PPP1R9A: variants seen among roughly 807,000 people sequenced by gnomAD.
PPP1R9A encodes neurabin-1.
In PPP1R9A, 59 loss-of-function variants were observed where a neutral mutation model predicts 141.9. The ratio of observed to expected loss-of-function variants is 0.42; its 90% CI spans 0.34 to 0.52. PPP1R9A has a LOEUF of 0.52. PPP1R9A is among the 20% of genes least tolerant of loss of function. The pLI is 0.10. For synonymous variants in PPP1R9A, 500 were observed against 569.7 expected (o/e 0.88, Z 1.74); for missense variants, 1,444 against 1,611.9 (o/e 0.90, Z 1.78).
chr7:95,223,233 G>A (rs1360231919), intron 7 of PPP1R9A, among the ~76,000 whole-genome samples: 1 of 151,920 alleles, frequency 6.6e-6, no homozygotes, highest in African/African-American at 2.4e-5. Flanking sequence ...TTGGGTATTG[G>A]GAAGGAGAGG....
intron 2 of PPP1R9A, among the ~76,000 whole-genome samples, chr7:95,002,617 G>A (rs982890595): frequency 6.6e-6 from 1 of 152,096 alleles, no homozygotes; most frequent in Non-Finnish European, 1.5e-5. Context: ...ATATTACCTG[G>A]CCTAAAATTG....
chr7:94,954,137 T>G (rs1446799458), intron 2 of PPP1R9A, among the ~76,000 whole-genome samples: 1 of 152,030 alleles, frequency 6.6e-6, no homozygotes, highest in East Asian at 1.9e-4. Flanking sequence ...TTTCTTATTT[T>G]GATGCTTAGC....
rs1210914230 is a variant in PPP1R9A at position 95,207,753 on chromosome 7, AAAT to A, written c.1956+4028_1956+4030del. Among the ~76,000 whole-genome samples, 6 of 152,322 alleles carry A rather than the reference AAAT, an allele frequency of 3.9e-5. No individual in the cohort carries two copies. The East Asian group carries it at 1.2e-3, about 29-fold the overall frequency. On this transcript the variant is annotated intron_variant, in intron 7 of 19. Coordinates refer to ENST00000433360, the MANE Select transcript of PPP1R9A (RefSeq NM_001166160.2). ...AAAGTACCTATAGATAAGTTATTAG[AAAT>A]AATATAAAGTTATAGCAACTTTGCT... is the stretch of plus-strand genomic sequence containing the variant.
chr7:95,274,939 G>A (rs940630364), intron 16 of PPP1R9A, among the ~76,000 whole-genome samples: 2 of 152,310 alleles, frequency 1.3e-5, no homozygotes, highest in East Asian at 1.9e-4. Flanking sequence ...CATAAGGTCA[G>A]TGTAAGGATT....
intron 2 of PPP1R9A, among the ~76,000 whole-genome samples, chr7:95,041,937 C>A (rs1373299900): frequency 6.6e-6 from 1 of 152,076 alleles, no homozygotes; most frequent in Non-Finnish European, 1.5e-5. Flanking sequence ...CTTTACATGG[C>A]ACCTTTATTT....
intron 2 of PPP1R9A, among the ~76,000 whole-genome samples, chr7:94,999,249 G>T (rs1292057703): frequency 6.6e-6 from 1 of 152,264 alleles, no homozygotes; most frequent in East Asian, 1.9e-4. Context: ...GTGTTACTTG[G>T]CAGAAATCTT....
In PPP1R9A at chr7:95,198,569, A is replaced by G. The variant is rs558869645; in HGVS notation, c.1890+85A>G. 1.2e-4 allele frequency: 162 copies of G among 1,398,014 alleles called. No homozygotes were observed. In the South Asian group the frequency reaches 2.9e-3, roughly 25 times the overall value. The allele number at this position is 1,398,014 out of a possible 1,614,324, so 86.6% of individuals were successfully genotyped here. A position where few individuals can be genotyped will look rare whatever the true frequency, so the allele number is the denominator to read the frequency against. ...ACTGTATAACAGTATGACAGGTTTT[A>G]TGCAGTTTCTTGAGGAAGGTGTGTC... is the stretch of plus-strand genomic sequence containing the variant. On this transcript the variant is annotated intron_variant, in intron 6 of 19. Coordinates refer to ENST00000433360, the MANE Select transcript of PPP1R9A (RefSeq NM_001166160.2).
intron 6 of PPP1R9A, 87 bp downstream of exon 6, chr7:95,198,571 G>A (rs897365441): frequency 4.3e-6 from 6 of 1,389,866 alleles, no homozygotes; most frequent in Middle Eastern, 1.9e-4. Flanking sequence ...CAGGTTTTAT[G>A]CAGTTTCTTG....
intron 5 of PPP1R9A, among the ~76,000 whole-genome samples, chr7:95,166,738 A>G (rs879753575): frequency 2.0e-5 from 3 of 152,208 alleles, no homozygotes; most frequent in South Asian, 2.1e-4. Flanking sequence ...AATATTCCCA[A>G]TGAACACAGA....
rs573863487 is a variant in PPP1R9A, at chr7:95,080,044, C to T, written c.1396-31215C>T. The stretch of plus-strand genomic sequence containing the variant: ...AACTGGCACAAGACAGGGATGCCCT[C>T]TCTCACCACTCCTATTCAACATAGT... On this transcript the variant is annotated intron_variant, in intron 2 of 19. Transcript: ENST00000433360. 8.5e-5 allele frequency among the ~76,000 whole-genome samples: 13 copies of T among 152,140 alleles called. No individual in the cohort carries two copies. In the East Asian group the frequency reaches 2.5e-3, roughly 29 times the overall value.
intron 4 of PPP1R9A, among the ~76,000 whole-genome samples, chr7:95,133,513 T>TTATATATATATATATATATATATA (rs10570222): frequency 6.8e-5 from 9 of 132,692 alleles, no homozygotes; most frequent in African/African-American, 1.1e-4. Flanking sequence ...TGCAGTCGTA[T>TTATATATATATATATATATATATA]TATATATATA....
At chr7:95,145,214 C>G (rs1827387701) in intron 4 of PPP1R9A, among the ~76,000 whole-genome samples, 1 of 152,062 alleles carries the variant, frequency 6.6e-6, no homozygotes, top group Admixed American at 6.5e-5. Context: ...AATACAATGC[C>G]ACTTCTTTAG....
intron 5 of PPP1R9A, among the ~76,000 whole-genome samples, chr7:95,164,741 CTTTTTT>C (rs200177321): frequency 7.6e-5 from 5 of 66,132 alleles, no homozygotes; most frequent in African/African-American, 1.9e-4. Context: ...CTTTTCTTTT[CTTTTTT>C]TTTTTTTTTT....
intron 2 of PPP1R9A, among the ~76,000 whole-genome samples, chr7:94,944,177 C>G (rs1018782449): frequency 6.6e-6 from 1 of 152,064 alleles, no homozygotes; most frequent in South Asian, 2.1e-4. Context: ...TTCTTCTCTT[C>G]TAGCTATTTT....
intron 7 of PPP1R9A, among the ~76,000 whole-genome samples, chr7:95,218,972 A>G (rs1320277757): frequency 6.6e-6 from 1 of 151,180 alleles, no homozygotes; most frequent in Non-Finnish European, 1.5e-5. Context: ...ATTTACATTT[A>G]AGGTTAATAT....
chr7:95,056,331 T>C (rs980165596), intron 2 of PPP1R9A, among the ~76,000 whole-genome samples: 3 of 152,184 alleles, frequency 2.0e-5, no homozygotes, highest in African/African-American at 4.8e-5. Flanking sequence ...TTTATAGACA[T>C]AGGATTTATG....
chr7:95,194,544 A>T (rs1835951325), intron 5 of PPP1R9A, among the ~76,000 whole-genome samples: 1 of 151,968 alleles, frequency 6.6e-6, no homozygotes, highest in South Asian at 2.1e-4. Context: ...TTCATAGTAG[A>T]TGTGATATTA....
intron 5 of PPP1R9A, among the ~76,000 whole-genome samples, chr7:95,172,624 A>G (rs925699484): frequency 1.3e-5 from 2 of 151,898 alleles, no homozygotes; most frequent in Admixed American, 1.3e-4. Flanking sequence ...TGCTGACAGA[A>G]CACAAAGACA....
chr7:95,033,038 T>C (rs757515597), intron 2 of PPP1R9A, among the ~76,000 whole-genome samples: 47 of 152,034 alleles, frequency 3.1e-4, no homozygotes, highest in Non-Finnish European at 4.9e-4. Context: ...AGAGTCTTGC[T>C]CTGTCGCCTG....
Sources: allele counts gnomAD v4.1 joint callset (sites outside exome capture counted in the v4.1 genomes callset), GRCh38; gene constraint gnomAD v4.1.1; transcripts MANE v1.5; gene names NCBI Gene and HGNC (gene_info 2026-07-23, HGNC 2026-07-21).